Variants in SOX5 observed in about 807,000 individuals in gnomAD.
SOX5 encodes transcription factor SOX-5.
In SOX5, 9 loss-of-function variants were observed where a neutral mutation model predicts 92.0. That is an observed-to-expected ratio of 0.10 (90% CI 0.06 to 0.17). SOX5 has a LOEUF of 0.17. Ranked by LOEUF, SOX5 falls within the 10% of genes least tolerant of loss-of-function variation. The pLI, the probability that SOX5 is intolerant of heterozygous loss-of-function variation, is 1.00. For synonymous variants in SOX5, 344 were observed against 336.3 expected (o/e 1.02, Z -0.25); for missense variants, 642 against 944.5 (o/e 0.68, Z 4.20).
intron 1 of SOX5, among the ~76,000 whole-genome samples, chr12:24,390,143 A>C (rs1958838574): frequency 6.6e-6 from 1 of 152,072 alleles, no homozygotes; most frequent in South Asian, 2.1e-4. Flanking sequence ...ATGAACTCTC[A>C]GTTTCTAGAT....
In SOX5 at chr12:24,081,151, C is replaced by T. The variant is rs148397864; in HGVS notation, c.-2+132192G>A. On this transcript the variant is annotated intron_variant, in intron 4 of 4. Coordinates refer to the SOX5 transcript ENST00000446891. Reference sequence around the variant, plus strand: ...AAGGAACCTTTCCAAACAGTGTGAACTCATTGGCTTCCCCATAACTCTACA... The same window carrying T: ...AAGGAACCTTTCCAAACAGTGTGAATTCATTGGCTTCCCCATAACTCTACA... 4.8e-3 allele frequency among the ~76,000 whole-genome samples: 732 copies of T among 152,060 alleles called. 11 individuals carry two copies. Among genetic ancestry groups the T allele is most frequent in the African/African-American group, 0.016 (679 of 41,540 alleles).
chr12:24,160,395 T>C (rs1436889157), intron 4 of SOX5, among the ~76,000 whole-genome samples: 1 of 151,728 alleles, frequency 6.6e-6, no homozygotes, highest in African/African-American at 2.4e-5. Flanking sequence ...ATAGGGGAGG[T>C]TGGAGAAGCT....
At chr12:24,018,087 A>T (rs1039334093) in intron 4 of SOX5, among the ~76,000 whole-genome samples, 1 of 151,988 alleles carries the variant, frequency 6.6e-6, no homozygotes, top group East Asian at 1.9e-4. Context: ...CATCCTATTA[A>T]ATCCTTCCTT....
At chr12:23,816,323 C>T (rs1317432262) in intron 3 of SOX5, among the ~76,000 whole-genome samples, 1 of 151,792 alleles carries the variant, frequency 6.6e-6, no homozygotes, top group Non-Finnish European at 1.5e-5. Flanking sequence ...GATTCTCCTG[C>T]CTCAGCCTCT....
chr12:23,947,757 A>C (rs1203889871), intron 1 of SOX5, among the ~76,000 whole-genome samples: 6 of 151,960 alleles, frequency 3.9e-5, no homozygotes, highest in African/African-American at 7.2e-5. Context: ...AGATTTGAGC[A>C]TCAGAATAGG....
At chr12:24,247,884 C>T (rs1490503441) in intron 3 of SOX5, among the ~76,000 whole-genome samples, 1 of 152,010 alleles carries the variant, frequency 6.6e-6, no homozygotes, top group African/African-American at 2.4e-5. Flanking sequence ...GAACCCCTGA[C>T]CTCAAGTGAT....
At chr12:24,021,700 C>T (rs1261574152) in intron 4 of SOX5, among the ~76,000 whole-genome samples, 6 of 152,092 alleles carry the variant, frequency 3.9e-5, no homozygotes, top group Non-Finnish European at 7.4e-5. Context: ...GAATGTAATC[C>T]TTCTATGAGA....
intron 4 of SOX5, among the ~76,000 whole-genome samples, chr12:23,967,651 AC>A (rs1427622467): frequency 2.0e-5 from 3 of 152,190 alleles, no homozygotes; most frequent in African/African-American, 7.2e-5. Flanking sequence ...CTGCAATAAA[AC>A]ATTGTGAGAT....
In SOX5 at chr12:23,670,998, A is replaced by C. The variant is rs147891120; in HGVS notation, c.811-5434T>G. Among the ~76,000 whole-genome samples the C allele has an allele frequency of 2.6e-3, 395 of 152,296 alleles. 1 individual carries two copies. The highest frequency in any genetic ancestry group is 0.014 in the Middle Eastern group (4 of 294). ...AGCAGACTGGAGGACTTCAGCAAAG[A>C]CAAGTTATGAGGAAATAAAAATTGC... On this transcript the variant is annotated intron_variant, in intron 6 of 14. Transcript: ENST00000451604.
chr12:23,830,648 G>C (rs1313473971), intron 3 of SOX5, among the ~76,000 whole-genome samples: 2 of 152,160 alleles, frequency 1.3e-5, no homozygotes, highest in Non-Finnish European at 2.9e-5. Flanking sequence ...CATCAAATGC[G>C]ATTTTAAAAC....
chr12:24,408,986 C>T (rs1237574139), intron 1 of SOX5, among the ~76,000 whole-genome samples: 2 of 152,016 alleles, frequency 1.3e-5, no homozygotes, highest in Non-Finnish European at 2.9e-5. Context: ...GTATATACCC[C>T]CAAAATATAA....
At chr12:23,779,814 T>TATATATATACACACAC (rs777013504) in intron 3 of SOX5, among the ~76,000 whole-genome samples, 12 of 110,800 alleles carry the variant, frequency 1.1e-4, no homozygotes, top group South Asian at 3.3e-4. Flanking sequence ...TATATATATA[T>TATATATATACACACAC]ACACACACAC....
chr12:23,598,567 T>G (rs1952884794), intron 9 of SOX5, among the ~76,000 whole-genome samples: 1 of 151,366 alleles, frequency 6.6e-6, no homozygotes, highest in Non-Finnish European at 1.5e-5. Context: ...CCCGGCTAAT[T>G]TTTTGTATTT....
At chr12:24,034,597 G>A (rs1355257906) in intron 4 of SOX5, among the ~76,000 whole-genome samples, 1 of 147,198 alleles carries the variant, frequency 6.8e-6, no homozygotes, top group Non-Finnish European at 1.5e-5. Context: ...TAAGGTGTAA[G>A]CAAATACTTT....
chr12:24,305,659 G>A (rs1246078077), intron 2 of SOX5, among the ~76,000 whole-genome samples: 3 of 152,064 alleles, frequency 2.0e-5, no homozygotes, highest in African/African-American at 2.4e-5. Context: ...GTGCAGTGGC[G>A]CGATCGCGGC....
intron 1 of SOX5, among the ~76,000 whole-genome samples, chr12:24,488,850 A>G (rs1946774933): frequency 6.6e-6 from 1 of 152,210 alleles, no homozygotes; most frequent in Admixed American, 6.6e-5. Context: ...ATTATCCTAA[A>G]TCTACACGGC....
chr12:24,249,653 A>G (rs979945614), intron 3 of SOX5, among the ~76,000 whole-genome samples: 1 of 152,196 alleles, frequency 6.6e-6, no homozygotes, highest in Non-Finnish European at 1.5e-5. Flanking sequence ...ATCACATGGC[A>G]TCACAAAGAG....
intron 3 of SOX5, among the ~76,000 whole-genome samples, chr12:24,234,985 C>T (rs1388446508): frequency 6.6e-6 from 1 of 152,190 alleles, no homozygotes; most frequent in Non-Finnish European, 1.5e-5. Flanking sequence ...CAAATGTCAA[C>T]AGTGCTGAGG....
At chr12:23,958,744 T>A (rs1274366168) in intron 4 of SOX5, among the ~76,000 whole-genome samples, 13 of 150,730 alleles carry the variant, frequency 8.6e-5, no homozygotes, top group Admixed American at 6.6e-4. Context: ...AAAAAAGATA[T>A]CAAACTGAGA....
Sources: gnomAD v4.1 joint callset for allele counts (sites outside exome capture counted in the v4.1 genomes callset) on GRCh38, gnomAD v4.1.1 for gene constraint, MANE v1.5 for transcripts, NCBI Gene and HGNC (gene_info 2026-07-23, HGNC 2026-07-21) for gene names.